Variants in NAV2 observed in about 807,000 individuals in gnomAD.
NAV2 encodes neuron navigator 2, also known as helicase, APC down-regulated 1.
A neutral mutation model predicts 223.2 loss-of-function variants in NAV2; 54 were observed. That is an observed-to-expected ratio of 0.24 (90% CI 0.19 to 0.30). The LOEUF (loss-of-function observed/expected upper bound fraction) is 0.30. NAV2 is among the 10% of genes least tolerant of loss of function. NAV2 has a pLI of 1.00. For missense variants in NAV2, 2,806 were observed against 3,147.5 expected (o/e 0.89, Z 2.60); for synonymous variants, 1,279 against 1,239.3 (o/e 1.03, Z -0.67).
At chr11:20,106,208 T>C (rs1442828676) in intron 35 of NAV2, among the ~76,000 whole-genome samples, 2 of 95,076 alleles carry the variant, frequency 2.1e-5, no homozygotes, top group South Asian at 3.9e-4. Context: ...TATATATATA[T>C]ATATATATAT....
At chr11:19,959,020 G>C (rs2048134451) in intron 10 of NAV2, among the ~76,000 whole-genome samples, 6 of 152,248 alleles carry the variant, frequency 3.9e-5, no homozygotes, top group Admixed American at 2.0e-4. Flanking sequence ...GTTACACAGG[G>C]GACACAAAGG....
intron 1 of NAV2, among the ~76,000 whole-genome samples, chr11:19,633,371 C>G (rs1772971812): frequency 6.6e-6 from 1 of 152,266 alleles, no homozygotes. Context: ...ACACTGGGTC[C>G]TTACCTGCCA....
intron 11 of NAV2, among the ~76,000 whole-genome samples, chr11:20,007,957 G>A (rs950713957): frequency 2.6e-5 from 4 of 152,210 alleles, no homozygotes; most frequent in South Asian, 2.1e-4. Flanking sequence ...AGAAGAGAAC[G>A]TTATCATACT....
intron 26 of NAV2, among the ~76,000 whole-genome samples, chr11:20,087,121 G>A (rs2060496608): frequency 6.6e-6 from 1 of 152,224 alleles, no homozygotes; most frequent in Non-Finnish European, 1.5e-5. Context: ...AGCAAGGTGG[G>A]AGGAAACCTG....
intron 2 of NAV2, among the ~76,000 whole-genome samples, chr11:19,835,214 T>C (rs2060164889): frequency 6.6e-6 from 1 of 152,188 alleles, no homozygotes; most frequent in African/African-American, 2.4e-5. Context: ...TGGTCTGCAG[T>C]TCCAGAGACC....
intron 1 of NAV2, among the ~76,000 whole-genome samples, chr11:19,661,678 G>T (rs758637376): frequency 3.4e-4 from 52 of 152,256 alleles, no homozygotes; most frequent in Middle Eastern, 3.4e-3. Context: ...GCCCAGTGTG[G>T]ACAGTTATTA....
At chr11:19,429,788 G>T (rs1360225366) in intron 1 of NAV2, among the ~76,000 whole-genome samples, 3 of 152,218 alleles carry the variant, frequency 2.0e-5, no homozygotes, top group Non-Finnish European at 4.4e-5. Flanking sequence ...GGAAGATTAA[G>T]TCCTGAGACC....
At chr11:19,803,942 G>A (rs1009094938) in intron 1 of NAV2, among the ~76,000 whole-genome samples, 1 of 152,248 alleles carries the variant, frequency 6.6e-6, no homozygotes, top group African/African-American at 2.4e-5. Flanking sequence ...GGCAAGGGTA[G>A]GGTAGAGCTT....
intron 1 of NAV2, among the ~76,000 whole-genome samples, chr11:19,449,299 T>A (rs2133773963): frequency 6.6e-6 from 1 of 152,000 alleles, no homozygotes; most frequent in Middle Eastern, 3.4e-3. Context: ...GGAGGCCTGA[T>A]TTGAAATGTG....
Position 19,897,886 on chromosome 11 carries a change from T to TTATA in NAV2, c.931+5308_931+5311dup, listed in dbSNP as rs10524489. 3.5e-3 allele frequency among the ~76,000 whole-genome samples: 417 copies of TTATA among 120,616 alleles called. 46 individuals carry two copies. The highest frequency in any genetic ancestry group is 0.014 in the South Asian group (43 of 3,158). The allele number at this position is 120,616 out of a possible 152,430, so 79.1% of individuals were successfully genotyped here. A position where few individuals can be genotyped will look rare whatever the true frequency, so the allele number is the denominator to read the frequency against. ...GCCACAGCTGTGCCTGACCTGTGAT[T>TTATA]TATATATATATATATATATGTGAGC... On this transcript the variant is annotated intron_variant, in intron 6 of 37. Coordinates refer to ENST00000349880, the MANE Select transcript of NAV2 (RefSeq NM_145117.5).
chr11:19,909,886 G>GGCATATATAATAAC, intron 6 of NAV2, among the ~76,000 whole-genome samples: 1 of 152,118 alleles, frequency 6.6e-6, no homozygotes, highest in South Asian at 2.1e-4. Context: ...ACTTTATAAA[G>GGCATATATAATAAC]TTATTTATAA....
At chr11:19,954,929 A>G (rs57837920) in intron 10 of NAV2, among the ~76,000 whole-genome samples, 128,982 of 146,674 alleles carry the variant, frequency 0.88, 56,438 homozygotes, top group East Asian at 0.98. Flanking sequence ...GTGTGTGTAT[A>G]TACATATATA....
At chr11:19,417,130 A>C (rs1470185541) in intron 1 of NAV2, among the ~76,000 whole-genome samples, 1 of 152,190 alleles carries the variant, frequency 6.6e-6, no homozygotes, top group Non-Finnish European at 1.5e-5. Flanking sequence ...TCTGCACAGC[A>C]AAAGGAACTA....
At chr11:19,552,045 AATT>A in intron 1 of NAV2, among the ~76,000 whole-genome samples, 1 of 152,150 alleles carries the variant, frequency 6.6e-6, no homozygotes, top group South Asian at 2.1e-4. Context: ...GGAGGCAGTG[AATT>A]ATTGATGAGG....
Position 19,892,455 on chromosome 11 carries a change from G to T in NAV2, c.792G>T (p.Arg264Ser). 1 of 1,614,018 alleles carries T rather than the reference G, an allele frequency of 6.2e-7. No homozygotes were observed. The highest frequency in any genetic ancestry group is 1.1e-5 in the South Asian group (1 of 91,018). The change falls in exon 6 of 38, where the codon AGG becomes AGT. Residue 264 changes from arginine (R) to serine (S), a missense_variant. Coordinates refer to ENST00000349880, the MANE Select transcript of NAV2 (RefSeq NM_145117.5). ...MQSRLPGPTA[R>S]VSAAGSEAKT... The stretch of plus-strand genomic sequence containing the variant: ...TTAGACTTCCAGGTCCTACCGCGAG[G>T]GTATCCGCTGCAGGCAGCGAGGCCA...
intron 11 of NAV2, among the ~76,000 whole-genome samples, chr11:20,016,751 C>A (rs2054036839): frequency 6.6e-6 from 1 of 151,740 alleles, no homozygotes; most frequent in South Asian, 2.1e-4. Context: ...ATTCCAGCAC[C>A]TTGGGAGGCC....
intron 6 of NAV2, among the ~76,000 whole-genome samples, chr11:19,909,348 C>T (rs532821392): frequency 2.2e-4 from 33 of 152,238 alleles, no homozygotes; most frequent in Non-Finnish European, 4.0e-4. Flanking sequence ...AGAGCATTGA[C>T]GCAGGTAACT....
chr11:20,059,037 C>G (rs2058538128), intron 19 of NAV2, among the ~76,000 whole-genome samples: 1 of 151,450 alleles, frequency 6.6e-6, no homozygotes, highest in Non-Finnish European at 1.5e-5. Context: ...GTCCCTCTTT[C>G]TTTTCACTCA....
At chr11:19,372,769 G>A (rs180696811) in intron 1 of NAV2, among the ~76,000 whole-genome samples, 8 of 152,322 alleles carry the variant, frequency 5.3e-5, no homozygotes, top group Non-Finnish European at 8.8e-5. Flanking sequence ...GTGGAAACGA[G>A]GTTTCAGGAC....
Sources: allele counts gnomAD v4.1 joint callset (sites outside exome capture counted in the v4.1 genomes callset), GRCh38; gene constraint gnomAD v4.1.1; transcripts MANE v1.5; gene names NCBI Gene and HGNC (gene_info 2026-07-23, HGNC 2026-07-21).